The following ROBO1 variants were observed in gnomAD, a reference collection of about 807,000 sequenced individuals.
ROBO1 encodes the protein roundabout homolog 1.
ROBO1 carries 149 observed loss-of-function variants against 195.9 expected under a neutral mutation model. The observed-to-expected ratio is 0.76, with a 90% CI of 0.67 to 0.87. ROBO1 has a LOEUF of 0.87. Ranked by LOEUF, ROBO1 falls within the 40% of genes least tolerant of loss-of-function variation. ROBO1 has a pLI of 0.00. For missense variants in ROBO1, 1,933 were observed against 2,068.3 expected (o/e 0.93, Z 1.27); for synonymous variants, 816 against 733.2 (o/e 1.11, Z -1.82).
chr3:79,666,074 T>G (rs892622470), intron 1 of ROBO1, among the ~76,000 whole-genome samples: 2 of 151,936 alleles, frequency 1.3e-5, no homozygotes, highest in Non-Finnish European at 2.9e-5. Flanking sequence ...TGTGGCATGT[T>G]TTTGAATAAA....
intron 1 of ROBO1, among the ~76,000 whole-genome samples, chr3:79,604,358 G>C (rs755147977): frequency 2.4e-4 from 37 of 151,936 alleles, no homozygotes; most frequent in Non-Finnish European, 5.2e-4. Flanking sequence ...ATACTAAACG[G>C]AAGCATTTGA....
intron 2 of ROBO1, among the ~76,000 whole-genome samples, chr3:79,360,312 AG>A (rs1455907313): frequency 7.9e-5 from 12 of 152,038 alleles, no homozygotes; most frequent in African/African-American, 2.9e-4. Context: ...TAAAGGGAAA[AG>A]ACATGAAATC....
chr3:79,019,977 C>T (rs1418839613), intron 3 of ROBO1, among the ~76,000 whole-genome samples: 1 of 152,102 alleles, frequency 6.6e-6, no homozygotes, highest in African/African-American at 2.4e-5. Context: ...TTTTAAGTTG[C>T]AGTTGTTGAA....
chr3:79,574,221 C>T (rs1486050221), intron 2 of ROBO1, among the ~76,000 whole-genome samples: 2 of 151,956 alleles, frequency 1.3e-5, no homozygotes, highest in African/African-American at 4.8e-5. Context: ...TCAGTGTTTC[C>T]TCATTTTAAT....
At chr3:79,481,566 G>T (rs1268355361) in intron 2 of ROBO1, among the ~76,000 whole-genome samples, 1 of 152,084 alleles carries the variant, frequency 6.6e-6, no homozygotes, top group Non-Finnish European at 1.5e-5. Flanking sequence ...GCTAATATGG[G>T]AATATGCCTT....
chr3:79,178,485 T>C (rs1229960471), intron 2 of ROBO1, among the ~76,000 whole-genome samples: 2 of 152,114 alleles, frequency 1.3e-5, no homozygotes, highest in Non-Finnish European at 2.9e-5. Flanking sequence ...AAACACACAC[T>C]GGTGAAAGAT....
chr3:78,947,311 A>G (rs932680057), intron 3 of ROBO1, among the ~76,000 whole-genome samples: 2 of 152,226 alleles, frequency 1.3e-5, no homozygotes, highest in Non-Finnish European at 1.5e-5. Flanking sequence ...AACAGAAATT[A>G]TAACAAACTG....
Position 79,127,429 on chromosome 3 carries a change from G to C in ROBO1, c.89-1890C>G, listed in dbSNP as rs1489252660. ...ACAATCTTGTTTTAAATGATAGAAT[G>C]TGTTTAGAATCACTTTAATTTTATG... On this transcript the variant is annotated intron_variant, in intron 2 of 30. Transcript: ENST00000464233. Among the ~76,000 whole-genome samples, 4 of 152,292 alleles carry C rather than the reference G, an allele frequency of 2.6e-5. No homozygotes were observed. In the East Asian group the frequency reaches 5.8e-4, roughly 22 times the overall value.
At chr3:78,833,791 T>TACA (rs2032449653) in intron 4 of ROBO1, among the ~76,000 whole-genome samples, 1 of 152,064 alleles carries the variant, frequency 6.6e-6, no homozygotes, top group African/African-American at 2.4e-5. Flanking sequence ...ATTCTGAGAC[T>TACA]ACACAGAAAG....
intron 2 of ROBO1, among the ~76,000 whole-genome samples, chr3:79,513,436 C>A (rs1253711952): frequency 6.6e-6 from 1 of 151,956 alleles, no homozygotes; most frequent in Non-Finnish European, 1.5e-5. Context: ...AAAAAACTTT[C>A]AGATGATTAC....
At chr3:78,736,652 C>A (rs2082399040) in intron 5 of ROBO1, among the ~76,000 whole-genome samples, 1 of 152,080 alleles carries the variant, frequency 6.6e-6, no homozygotes, top group Admixed American at 6.6e-5. Flanking sequence ...AAAGACAGAG[C>A]AAGAACCCAA....
chr3:78,691,947 A>G (rs1456448953), intron 8 of ROBO1, among the ~76,000 whole-genome samples: 1 of 151,978 alleles, frequency 6.6e-6, no homozygotes, highest in African/African-American at 2.4e-5. Flanking sequence ...CATTTCTCCT[A>G]TATGTTGCAA....
intron 2 of ROBO1, among the ~76,000 whole-genome samples, chr3:79,327,301 T>G (rs1226064410): frequency 1.3e-5 from 2 of 151,872 alleles, no homozygotes; most frequent in Non-Finnish European, 2.9e-5. Context: ...ATAAAATATA[T>G]AGATATATAA....
chr3:79,636,075 A>G lies in ROBO1; in HGVS notation c.-50-46114T>C, dbSNP rs187242270. On this transcript the variant is annotated intron_variant, in intron 1 of 30. Coordinates refer to ENST00000464233, the MANE Select transcript of ROBO1 (RefSeq NM_002941.4). Reference sequence around the variant, plus strand: ...GGTTGAAATCTTAACTAATTTAGAAATGGAGATCATTTAGAACAGATAATG... The same window carrying G: ...GGTTGAAATCTTAACTAATTTAGAAGTGGAGATCATTTAGAACAGATAATG... 2.6e-5 allele frequency among the ~76,000 whole-genome samples: 4 copies of G among 152,230 alleles called. No individual in the cohort carries two copies. The East Asian group carries it at 7.7e-4, about 29-fold the overall frequency.
At chr3:78,741,416 AAAAC>A (rs565126080) in intron 5 of ROBO1, among the ~76,000 whole-genome samples, 312 of 152,358 alleles carry the variant, frequency 2.0e-3, no homozygotes, top group South Asian at 8.1e-3. Flanking sequence ...GGCAAATTTT[AAAAC>A]AAACAAACTA....
At position 78,606,949 on chromosome 3, in the gene ROBO1, T is replaced by G. The variant is rs759783047; in HGVS notation, c.4528A>C (p.Lys1510Gln). 4 of 1,613,946 alleles carry G rather than the reference T, an allele frequency of 2.5e-6. No individual in the cohort carries two copies. Among genetic ancestry groups the G allele is most frequent in the Non-Finnish European group, 2.5e-6 (3 of 1,179,890 alleles). ...GTTCTTGCATCCATAGAAGGGAGTT[T>G]TGGCACCACTACAGGTCGTACTTCC... The part of the protein sequence containing the change: ...QLEVRPVVVP[K>Q]LPSMDARTDR... The change falls in exon 29 of 31, where the codon AAA becomes CAA. Residue 1510 changes from lysine (K) to glutamine (Q), a missense_variant. Physicochemically the swap from Lys to Gln is moderately conservative, Grantham distance 53. This residue lies in a region of ROBO1 where 1,737 missense variants were observed against 1,882.5 expected (regional missense o/e 0.92). Coordinates refer to ENST00000464233, the MANE Select transcript of ROBO1 (RefSeq NM_002941.4).
At chr3:78,972,548 A>G (rs1227644058) in intron 3 of ROBO1, among the ~76,000 whole-genome samples, 1 of 152,230 alleles carries the variant, frequency 6.6e-6, no homozygotes, top group East Asian at 1.9e-4. Flanking sequence ...ATATAAAGAA[A>G]TTAGACAGTG....
intron 10 of ROBO1, among the ~76,000 whole-genome samples, chr3:78,677,553 A>G (rs1478832290): frequency 2.0e-5 from 3 of 151,886 alleles, no homozygotes; most frequent in African/African-American, 4.8e-5. Context: ...ACTTTAAACC[A>G]ACAAAGATCA....
intron 1 of ROBO1, among the ~76,000 whole-genome samples, chr3:79,626,903 T>C (rs1335581119): frequency 6.6e-6 from 1 of 152,016 alleles, no homozygotes; most frequent in African/African-American, 2.4e-5. Flanking sequence ...CGATTCACAA[T>C]TGCCAAAAAG....
Sources: gnomAD v4.1 joint callset for allele counts (sites outside exome capture counted in the v4.1 genomes callset) on GRCh38, gnomAD v4.1.1 for gene constraint, gnomAD v4.1.1 regional missense constraint, MANE v1.5 for transcripts, NCBI Gene and HGNC (gene_info 2026-07-23, HGNC 2026-07-21) for gene names.